TTC23: variants seen among roughly 807,000 people sequenced by gnomAD.
TTC23 encodes tetratricopeptide repeat domain 23, also known as tetratricopeptide repeat protein 23.
TTC23 carries 58 observed loss-of-function variants against 55.1 expected under a neutral mutation model. The ratio of observed to expected loss-of-function variants is 1.05; its 90% CI spans 0.85 to 1.31. TTC23 has a LOEUF of 1.31. TTC23 is among the 50% of genes most tolerant of loss of function. TTC23 has a pLI of 0.00. For synonymous variants in TTC23, 203 were observed against 199.9 expected, an observed-to-expected ratio of 1.02 and a Z score of -0.13; for missense variants, 516 against 534.4, an observed-to-expected ratio of 0.97 and a Z score of 0.34.
chr15:99,208,700 G>A lies in TTC23; in HGVS notation c.582-8604C>T, dbSNP rs550161981. Among the ~76,000 whole-genome samples the A allele has an allele frequency of 2.0e-5, 3 of 149,872 alleles. No homozygotes were observed. In the East Asian group the frequency reaches 5.8e-4, roughly 29 times the overall value. Reference sequence around the variant, plus strand: ...AGTACACTATTCACATAAAAGAAAAGGCAAAATAGAAAATAAAATTACTTT... The same window carrying A: ...AGTACACTATTCACATAAAAGAAAAAGCAAAATAGAAAATAAAATTACTTT... On this transcript the variant is annotated intron_variant, in intron 8 of 13. Transcript: ENST00000394132.
intron 12 of TTC23, among the ~76,000 whole-genome samples, chr15:99,142,839 T>C (rs1555491162): frequency 1.3e-5 from 2 of 152,212 alleles, no homozygotes; most frequent in Admixed American, 6.5e-5. Flanking sequence ...ACTGTGTTCG[T>C]AGAGAAGAGT....
At chr15:99,244,251 A>G (rs1280614007) in intron 2 of TTC23, among the ~76,000 whole-genome samples, 1 of 152,180 alleles carries the variant, frequency 6.6e-6, no homozygotes, top group African/African-American at 2.4e-5. Context: ...GATTTCTCTC[A>G]CCACCTGTAG....
chr15:99,233,182 A>G (rs1238999943), intron 4 of TTC23, among the ~76,000 whole-genome samples: 3 of 152,216 alleles, frequency 2.0e-5, no homozygotes, highest in African/African-American at 7.2e-5. Context: ...TGACTACTGT[A>G]TTGTTTCCTT....
intron 9 of TTC23, among the ~76,000 whole-genome samples, chr15:99,187,462 A>AAAAAAAAAAAAAAAAAAAAG (rs1230105824): frequency 2.6e-4 from 34 of 132,522 alleles, no homozygotes; most frequent in Non-Finnish European, 4.0e-4. Context: ...CAAAAAAAAA[A>AAAAAAAAAAAAAAAAAAAAG]AAAAAACAAA....
At chr15:99,151,411 C>A (rs1391745711) in intron 12 of TTC23, 1 of 152,224 alleles carries the variant, frequency 6.6e-6, no homozygotes, top group Non-Finnish European at 1.5e-5. Flanking sequence ...GGCACAGGGA[C>A]AGAAAGTAAA....
intron 10 of TTC23, among the ~76,000 whole-genome samples, chr15:99,165,924 T>C (rs773526727): frequency 2.1e-4 from 32 of 152,222 alleles, no homozygotes; most frequent in Non-Finnish European, 3.4e-4. Flanking sequence ...TCTTTCGTTA[T>C]TTTAATTTTC....
At chr15:99,227,287 C>T (rs4965222) in intron 5 of TTC23, among the ~76,000 whole-genome samples, 10,295 of 152,218 alleles carry the variant, frequency 0.068, 506 homozygotes, top group Admixed American at 0.13. Context: ...CTACACACCC[C>T]ATCTTTCTCA....
chr15:99,211,576 C>G (rs1423545776), intron 8 of TTC23, among the ~76,000 whole-genome samples: 1 of 152,110 alleles, frequency 6.6e-6, no homozygotes, highest in Non-Finnish European at 1.5e-5. Context: ...AAAATCACCT[C>G]TGGGATGAAA....
At chr15:99,195,309 C>T (rs2075603164) in intron 9 of TTC23, among the ~76,000 whole-genome samples, 1 of 152,206 alleles carries the variant, frequency 6.6e-6, no homozygotes, top group African/African-American at 2.4e-5. Flanking sequence ...ACACAGATGA[C>T]AAGCCCATGG....
chr15:99,198,566 C>T (rs1246279206), intron 9 of TTC23, among the ~76,000 whole-genome samples: 3 of 152,194 alleles, frequency 2.0e-5, no homozygotes, highest in Non-Finnish European at 2.9e-5. Flanking sequence ...CTCTACAAAT[C>T]ATCCAGAACA....
At position 99,174,200 on chromosome 15, in the gene TTC23, C is replaced by A. The variant is rs79389482; in HGVS notation, c.865+850G>T. Among the ~76,000 whole-genome samples, 1,131 of 152,206 alleles carry A rather than the reference C, an allele frequency of 7.4e-3. 9 individuals carry two copies. Among genetic ancestry groups the A allele is most frequent in the Non-Finnish European group, 0.013 (865 of 67,998 alleles). On this transcript the variant is annotated intron_variant, in intron 10 of 13. Transcript: ENST00000394132. ...CCCCCTTCATCAGTTCCTCTGTGGA[C>A]CGAAGCTCCCTGCCTGGCCCATGGA...
intron 12 of TTC23, among the ~76,000 whole-genome samples, chr15:99,151,545 G>A (rs1237936322): frequency 2.0e-5 from 3 of 152,244 alleles, no homozygotes; most frequent in Non-Finnish European, 4.4e-5. Flanking sequence ...TGGCATGAGA[G>A]TCTAGCTGAG....
intron 12 of TTC23, among the ~76,000 whole-genome samples, chr15:99,146,865 A>T (rs55952862): frequency 2.0e-5 from 3 of 152,156 alleles, no homozygotes; most frequent in African/African-American, 4.8e-5. Flanking sequence ...TGGTCAGGAG[A>T]ACTGGAATTC....
At chr15:99,156,339 G>A in intron 11 of TTC23, 42 bp from the exon 12 acceptor site, 1 of 1,606,792 alleles carries the variant, frequency 6.2e-7, no homozygotes, top group Non-Finnish European at 8.5e-7. Flanking sequence ...CAAGCTCAAA[G>A]GCTGATTAGG....
intron 1 of TTC23, among the ~76,000 whole-genome samples, chr15:99,248,659 G>C (rs912399823): frequency 5.3e-5 from 8 of 152,174 alleles, no homozygotes; most frequent in Admixed American, 4.6e-4. Context: ...AGAAGTTTTA[G>C]TTTAAATGTT....
chr15:99,213,709 G>T (rs913179799), intron 8 of TTC23, among the ~76,000 whole-genome samples: 18 of 152,204 alleles, frequency 1.2e-4, no homozygotes, highest in African/African-American at 4.3e-4. Context: ...ACTACACATT[G>T]TGAGAGCCAT....
chr15:99,173,242 G>A (rs942658433), intron 10 of TTC23, among the ~76,000 whole-genome samples: 8 of 152,158 alleles, frequency 5.3e-5, no homozygotes, highest in Admixed American at 2.6e-4. Flanking sequence ...TCCAGCCTTC[G>A]CACTTGTTTT....
At chr15:99,184,809 A>G (rs2074509894) in intron 9 of TTC23, among the ~76,000 whole-genome samples, 1 of 152,200 alleles carries the variant, frequency 6.6e-6, no homozygotes, top group African/African-American at 2.4e-5. Flanking sequence ...GGCCACAGGC[A>G]AAATGATATG....
chr15:99,174,763 C>T lies in TTC23; in HGVS notation c.865+287G>A, dbSNP rs573028559. ...ACCTTTGAAAGCAGAGCAGATTTACCGTAAGCCCAGTACAGATGCTCTGGG... is the reference window on the plus strand; with the variant it reads ...ACCTTTGAAAGCAGAGCAGATTTACTGTAAGCCCAGTACAGATGCTCTGGG... On this transcript the variant is annotated intron_variant, in intron 10 of 13. Transcript: ENST00000394132. Among the ~76,000 whole-genome samples the T allele has an allele frequency of 3.6e-5, 5 of 137,688 alleles. No individual in the cohort carries two copies. The South Asian group carries it at 7.3e-4, about 20-fold the overall frequency. 90.3% of individuals were successfully genotyped at this position (137,688 alleles called of 152,430 possible).
Sources: gnomAD v4.1 joint callset for allele counts (sites outside exome capture counted in the v4.1 genomes callset) on GRCh38, gnomAD v4.1.1 for gene constraint, MANE v1.5 for transcripts, NCBI Gene and HGNC (gene_info 2026-07-23, HGNC 2026-07-21) for gene names.